The following ERBB4 variants were observed in gnomAD, a reference collection of about 807,000 sequenced individuals.
ERBB4 encodes the protein receptor tyrosine-protein kinase erbB-4.
A neutral mutation model predicts 158.0 loss-of-function variants in ERBB4; 42 were observed. The ratio of observed to expected loss-of-function variants is 0.27; its 90% CI spans 0.21 to 0.34. The LOEUF is 0.34. ERBB4 is among the 10% of genes least tolerant of loss of function. The pLI is 1.00. For synonymous variants in ERBB4, 583 were observed against 558.7 expected (o/e 1.04, Z -0.61); for missense variants, 1,333 against 1,624.1 (o/e 0.82, Z 3.08).
intron 20 of ERBB4, among the ~76,000 whole-genome samples, chr2:211,434,600 CTACAA>C (rs1483488789): frequency 6.6e-6 from 1 of 152,148 alleles, no homozygotes; most frequent in African/African-American, 2.4e-5. Flanking sequence ...ATGACACACT[CTACAA>C]TACAAGAAAA....
intron 1 of ERBB4, among the ~76,000 whole-genome samples, chr2:212,411,386 T>G (rs1323714950): frequency 2.0e-5 from 3 of 152,114 alleles, no homozygotes; most frequent in Non-Finnish European, 4.4e-5. Context: ...AAACCTAACC[T>G]AAAGTTAGAA....
chr2:211,581,738 A>G (rs2068110851), intron 19 of ERBB4, among the ~76,000 whole-genome samples: 1 of 152,110 alleles, frequency 6.6e-6, no homozygotes, highest in African/African-American at 2.4e-5. Flanking sequence ...GTGGCCGGAC[A>G]TGGTGGCTCA....
At chr2:212,516,000 A>C (rs1382397964) in intron 1 of ERBB4, among the ~76,000 whole-genome samples, 1 of 152,024 alleles carries the variant, frequency 6.6e-6, no homozygotes, top group Non-Finnish European at 1.5e-5. Context: ...ATAATTCTAA[A>C]AATTGTATCA....
intron 1 of ERBB4, among the ~76,000 whole-genome samples, chr2:212,473,250 T>C (rs1258776084): frequency 2.6e-5 from 4 of 152,040 alleles, no homozygotes; most frequent in Non-Finnish European, 4.4e-5. Flanking sequence ...GGGGTGTGAA[T>C]TATTCTTACT....
chr2:212,432,073 G>C (rs1324712192), intron 1 of ERBB4, among the ~76,000 whole-genome samples: 1 of 152,074 alleles, frequency 6.6e-6, no homozygotes, highest in Non-Finnish European at 1.5e-5. Context: ...TCAATTAAAA[G>C]GCAAATGAAA....
At chr2:212,253,520 A>G (rs768753457) in intron 1 of ERBB4, among the ~76,000 whole-genome samples, 3 of 152,102 alleles carry the variant, frequency 2.0e-5, no homozygotes, top group Non-Finnish European at 4.4e-5. Flanking sequence ...GAATCACTTA[A>G]GATCTTGTTA....
At chr2:212,215,341 A>C (rs1382066763) in intron 1 of ERBB4, among the ~76,000 whole-genome samples, 1 of 151,688 alleles carries the variant, frequency 6.6e-6, no homozygotes, top group African/African-American at 2.4e-5. Flanking sequence ...TGTACATTGA[A>C]AAATTTAGAG....
chr2:211,529,934 C>T (rs879353816), intron 20 of ERBB4, among the ~76,000 whole-genome samples: 1 of 151,990 alleles, frequency 6.6e-6, no homozygotes. Context: ...AGATTTGAAA[C>T]GTGACAAAGA....
intron 12 of ERBB4, among the ~76,000 whole-genome samples, chr2:211,683,487 G>A (rs184647327): frequency 9.7e-4 from 147 of 152,208 alleles, no homozygotes; most frequent in African/African-American, 2.8e-3. Context: ...CATATGCAGA[G>A]ATTCATCCAG....
intron 1 of ERBB4, among the ~76,000 whole-genome samples, chr2:212,180,339 C>A (rs1469637239): frequency 6.6e-6 from 1 of 151,574 alleles, no homozygotes; most frequent in Non-Finnish European, 1.5e-5. Flanking sequence ...AGTGAAACAC[C>A]TGGATCACCC....
intron 1 of ERBB4, among the ~76,000 whole-genome samples, chr2:212,367,764 G>A (rs2089942498): frequency 6.6e-6 from 1 of 152,004 alleles, no homozygotes; most frequent in South Asian, 2.1e-4. Flanking sequence ...CCATCAAAAA[G>A]TGAGCTAAGG....
intron 3 of ERBB4, among the ~76,000 whole-genome samples, chr2:211,794,422 C>T (rs1170342753): frequency 1.3e-5 from 2 of 151,830 alleles, no homozygotes; most frequent in African/African-American, 4.8e-5. Context: ...GGAGGTCCCT[C>T]AAGGATTAGA....
chr2:211,684,022 T>C (rs920937002), intron 12 of ERBB4, among the ~76,000 whole-genome samples: 2 of 152,220 alleles, frequency 1.3e-5, no homozygotes, highest in Non-Finnish European at 2.9e-5. Flanking sequence ...TTTTGACCAC[T>C]GTAATTAGAT....
At chr2:211,638,625 C>T (rs779663492) in intron 16 of ERBB4, among the ~76,000 whole-genome samples, 1 of 152,126 alleles carries the variant, frequency 6.6e-6, no homozygotes, top group Non-Finnish European at 1.5e-5. Context: ...GTCCCCCTTC[C>T]TAAGCAAATT....
At chr2:212,342,811 T>C (rs73987377) in intron 1 of ERBB4, among the ~76,000 whole-genome samples, 2,245 of 152,334 alleles carry the variant, frequency 0.015, 58 homozygotes, top group African/African-American at 0.05. Context: ...CTTTGCATTA[T>C]ACAATATTAG....
At chr2:211,745,715 GA>G (rs776012647) in intron 5 of ERBB4, among the ~76,000 whole-genome samples, 1 of 94,470 alleles carries the variant, frequency 1.1e-5, no homozygotes, top group Admixed American at 1.2e-4. Context: ...TCCACCGCCA[GA>G]AAAAAAACAA....
chr2:212,376,237 T>G (rs1432541151), intron 1 of ERBB4, among the ~76,000 whole-genome samples: 1 of 151,930 alleles, frequency 6.6e-6, no homozygotes, highest in Non-Finnish European at 1.5e-5. Context: ...CAACAGGAAA[T>G]GAAACATGTA....
intron 19 of ERBB4, among the ~76,000 whole-genome samples, chr2:211,569,573 G>T (rs571464419): frequency 1.3e-5 from 2 of 152,310 alleles, no homozygotes; most frequent in South Asian, 4.1e-4. Context: ...TGAAACGGTG[G>T]TCGCAGAGCT....
At chr2:211,978,396 G>GTCTATATATCTA (rs2081687508) in intron 2 of ERBB4, among the ~76,000 whole-genome samples, 2 of 136,560 alleles carry the variant, frequency 1.5e-5, no homozygotes, top group African/African-American at 5.7e-5. Context: ...CTGTCTGTCT[G>GTCTATATATCTA]TCTATCTATC....
Sources: allele counts gnomAD v4.1 joint callset (sites outside exome capture counted in the v4.1 genomes callset), GRCh38; gene constraint gnomAD v4.1.1; transcripts MANE v1.5; gene names NCBI Gene and HGNC (gene_info 2026-07-23, HGNC 2026-07-21).